KAZN: variants seen among roughly 807,000 people sequenced by gnomAD.
KAZN encodes kazrin, periplakin interacting protein.
A neutral mutation model predicts 87.4 loss-of-function variants in KAZN; 40 were observed. The ratio of observed to expected loss-of-function variants is 0.46; its 90% CI spans 0.36 to 0.60. The LOEUF (loss-of-function observed/expected upper bound fraction) is 0.60, where lower values mean the gene tolerates loss of function less well. KAZN is among the 20% of genes least tolerant of loss of function. KAZN has a pLI of 0.00. For synonymous variants in KAZN, 466 were observed against 458.3 expected, an observed-to-expected ratio of 1.02 and a Z score of -0.22; for missense variants, 898 against 1,073.9, an observed-to-expected ratio of 0.84 and a Z score of 2.29.
At chr1:14,441,535 G>A (rs1483115734) in intron 2 of KAZN, among the ~76,000 whole-genome samples, 1 of 152,292 alleles carries the variant, frequency 6.6e-6, no homozygotes, top group East Asian at 1.9e-4. Flanking sequence ...GAGTATTTGT[G>A]TCCTAAGGAA....
chr1:14,568,974 C>T (rs1316974394), intron 2 of KAZN, among the ~76,000 whole-genome samples: 2 of 152,184 alleles, frequency 1.3e-5, no homozygotes, highest in African/African-American at 4.8e-5. Flanking sequence ...ACAGTAACCC[C>T]AGCACTCCAT....
At chr1:14,891,125 T>G (rs534413768) in intron 1 of KAZN, among the ~76,000 whole-genome samples, 13 of 152,224 alleles carry the variant, frequency 8.5e-5, no homozygotes, top group South Asian at 2.1e-4. Context: ...ATTACAGGTG[T>G]GAGCCACCGC....
At chr1:14,089,505 T>C (rs1399733772) in intron 1 of KAZN, among the ~76,000 whole-genome samples, 1 of 152,166 alleles carries the variant, frequency 6.6e-6, no homozygotes, top group Non-Finnish European at 1.5e-5. Flanking sequence ...TTTTAACTTA[T>C]CACAGTGTCC....
At chr1:13,936,207 G>A (rs566077266) in intron 1 of KAZN, among the ~76,000 whole-genome samples, 3 of 144,692 alleles carry the variant, frequency 2.1e-5, no homozygotes, top group East Asian at 4.2e-4. Context: ...AGCGATTCTC[G>A]TGCCTCAGCC....
chr1:14,847,181 G>C (rs1648881151), intron 1 of KAZN, among the ~76,000 whole-genome samples: 1 of 152,170 alleles, frequency 6.6e-6, no homozygotes, highest in African/African-American at 2.4e-5. Flanking sequence ...TACAATTCCA[G>C]AATTTGAGCT....
intron 1 of KAZN, among the ~76,000 whole-genome samples, chr1:14,795,150 CT>C (rs1645792338): frequency 6.6e-6 from 1 of 152,106 alleles, no homozygotes; most frequent in African/African-American, 2.4e-5. Context: ...TGCTGATGGC[CT>C]TTTGTGGGGA....
intron 1 of KAZN, among the ~76,000 whole-genome samples, chr1:14,623,060 A>G (rs981437185): frequency 1.3e-5 from 2 of 152,222 alleles, no homozygotes; most frequent in Non-Finnish European, 2.9e-5. Context: ...AATTTCTCAC[A>G]GAAAATCGTA....
chr1:14,607,737 C>T (rs373319266), intron 1 of KAZN, among the ~76,000 whole-genome samples: 1 of 152,124 alleles, frequency 6.6e-6, no homozygotes, highest in South Asian at 2.1e-4. Context: ...ACTTGACTTT[C>T]CTACCTTTAT....
intron 1 of KAZN, among the ~76,000 whole-genome samples, chr1:14,869,783 T>C (rs1156555242): frequency 2.6e-5 from 4 of 152,176 alleles, no homozygotes; most frequent in East Asian, 3.9e-4. Context: ...CAGGTGAGAC[T>C]CCCTTCATTT....
At chr1:14,152,579 C>T (rs1175468603) in intron 1 of KAZN, among the ~76,000 whole-genome samples, 1 of 152,126 alleles carries the variant, frequency 6.6e-6, no homozygotes, top group African/African-American at 2.4e-5. Context: ...TTTTCTTTAT[C>T]CACTCATCTA....
At chr1:14,857,020 G>C (rs1407667685) in intron 1 of KAZN, among the ~76,000 whole-genome samples, 1 of 152,178 alleles carries the variant, frequency 6.6e-6, no homozygotes, top group Non-Finnish European at 1.5e-5. Context: ...GGAGAGGTTT[G>C]GGATTGGATG....
chr1:14,438,948 C>T (rs1487541222), intron 2 of KAZN, among the ~76,000 whole-genome samples: 3 of 152,162 alleles, frequency 2.0e-5, no homozygotes, highest in Non-Finnish European at 4.4e-5. Flanking sequence ...ATTTTCACTC[C>T]CTTAGCAAAT....
chr1:13,987,978 G>A (rs1449544977), intron 1 of KAZN, among the ~76,000 whole-genome samples: 1 of 152,128 alleles, frequency 6.6e-6, no homozygotes, highest in African/African-American at 2.4e-5. Context: ...GGCAAGAAAG[G>A]ATGAGAAGGA....
intron 2 of KAZN, among the ~76,000 whole-genome samples, chr1:14,589,337 A>G (rs1676049355): frequency 6.6e-6 from 1 of 151,940 alleles, no homozygotes; most frequent in Non-Finnish European, 1.5e-5. Flanking sequence ...CAGGTAAAAA[A>G]AAAAAAAAGG....
intron 2 of KAZN, among the ~76,000 whole-genome samples, chr1:14,394,053 T>A (rs1662683220): frequency 6.6e-6 from 1 of 152,206 alleles, no homozygotes; most frequent in Admixed American, 6.5e-5. Flanking sequence ...TGCTTCAGGC[T>A]TTTTGATGTT....
At chr1:15,020,523 A>G (rs1670560905) in intron 2 of KAZN, among the ~76,000 whole-genome samples, 1 of 152,026 alleles carries the variant, frequency 6.6e-6, no homozygotes, top group Non-Finnish European at 1.5e-5. Context: ...AGCACTGTTT[A>G]CAGTATATAC....
At chr1:14,498,438 TC>T (rs1449106179) in intron 2 of KAZN, among the ~76,000 whole-genome samples, 1 of 152,192 alleles carries the variant, frequency 6.6e-6, no homozygotes, top group African/African-American at 2.4e-5. Context: ...ATGCCTATAA[TC>T]CCAGCACTTT....
At chr1:15,017,026 C>T (rs183673123) in intron 2 of KAZN, among the ~76,000 whole-genome samples, 4 of 152,050 alleles carry the variant, frequency 2.6e-5, no homozygotes, top group African/African-American at 7.2e-5. Flanking sequence ...GGTTGGGCGC[C>T]GTGGCTTATG....
chr1:14,724,595 G>A (rs1159055480), intron 1 of KAZN, among the ~76,000 whole-genome samples: 1 of 152,182 alleles, frequency 6.6e-6, no homozygotes, highest in Non-Finnish European at 1.5e-5. Flanking sequence ...TCTCCGTTTT[G>A]TGCCTGGATG....
Sources: allele counts gnomAD v4.1 joint callset (sites outside exome capture counted in the v4.1 genomes callset), GRCh38; gene constraint gnomAD v4.1.1; transcripts MANE v1.5; gene names NCBI Gene and HGNC (gene_info 2026-07-23, HGNC 2026-07-21).